The following MELK variants were observed in gnomAD, a reference collection of about 807,000 sequenced individuals.
MELK encodes pEg3 kinase.
Under a neutral mutation model 85.0 loss-of-function variants are expected in MELK, and 81 were observed. The ratio of observed to expected loss-of-function variants is 0.95; its 90% CI spans 0.80 to 1.15. The LOEUF is 1.15. MELK is among the 50% of genes most tolerant of loss of function. The probability of loss-of-function intolerance (pLI) is 0.00; values close to 1 mark genes in which losing one functional copy is unlikely to be tolerated. For missense variants in MELK, 754 were observed against 777.5 expected (o/e 0.97, Z 0.36); for synonymous variants, 252 against 265.0 (o/e 0.95, Z 0.48).
intron 7 of MELK, among the ~76,000 whole-genome samples, chr9:36,605,063 T>A (rs1340656954): frequency 6.6e-6 from 1 of 151,960 alleles, no homozygotes; most frequent in Non-Finnish European, 1.5e-5. Context: ...CTAATTTTTT[T>A]ATCTTTTTAG....
intron 13 of MELK, among the ~76,000 whole-genome samples, chr9:36,659,758 C>T (rs756565372): frequency 2.0e-5 from 3 of 152,172 alleles, no homozygotes; most frequent in Non-Finnish European, 4.4e-5. Flanking sequence ...TCAAGGTCAG[C>T]TTGAGGTGAG....
At chr9:36,660,026 T>C (rs1314729666) in intron 13 of MELK, among the ~76,000 whole-genome samples, 2 of 152,214 alleles carry the variant, frequency 1.3e-5, no homozygotes, top group Non-Finnish European at 2.9e-5. Context: ...CTCGAACTGC[T>C]GACCTCAAGT....
chr9:36,610,072 A>G (rs1659183368), intron 8 of MELK, among the ~76,000 whole-genome samples: 1 of 152,160 alleles, frequency 6.6e-6, no homozygotes, highest in Admixed American at 6.5e-5. Flanking sequence ...AGCATTCCTG[A>G]TAGTACAGGT....
At chr9:36,673,282 A>G (rs1199889435) in intron 16 of MELK, among the ~76,000 whole-genome samples, 2 of 152,124 alleles carry the variant, frequency 1.3e-5, no homozygotes, top group African/African-American at 2.4e-5. Context: ...CTTCGTTAAC[A>G]CTCAGTTTCA....
chr9:36,579,770 G>A (rs55685930), intron 1 of MELK, among the ~76,000 whole-genome samples: 2,674 of 152,236 alleles, frequency 0.018, 71 homozygotes, highest in African/African-American at 0.058. Flanking sequence ...ATATTAATGT[G>A]CATAACAGGG....
chr9:36,627,226 G>A (rs974206583), intron 8 of MELK, among the ~76,000 whole-genome samples: 2 of 152,198 alleles, frequency 1.3e-5, no homozygotes, highest in East Asian at 3.9e-4. Flanking sequence ...CACCTTAAAG[G>A]TGAAGTGGAA....
At chr9:36,673,560 C>G (rs953950450) in intron 16 of MELK, among the ~76,000 whole-genome samples, 1 of 152,144 alleles carries the variant, frequency 6.6e-6, no homozygotes, top group Non-Finnish European at 1.5e-5. Context: ...TCCTGAGTAG[C>G]TGGGATGCGT....
At chr9:36,635,351 C>T (rs1829029997) in intron 10 of MELK, among the ~76,000 whole-genome samples, 1 of 151,994 alleles carries the variant, frequency 6.6e-6, no homozygotes, top group African/African-American at 2.4e-5. Context: ...ACAACCTCCG[C>T]CTCCCAGTTT....
At chr9:36,635,922 G>A (rs1421773779) in intron 10 of MELK, among the ~76,000 whole-genome samples, 12 of 150,492 alleles carry the variant, frequency 8.0e-5, no homozygotes, top group Admixed American at 7.3e-4. Flanking sequence ...TCAGACTCCC[G>A]AGTAGCTGGG....
At chr9:36,577,164 CAG>C (rs1821742087) in intron 1 of MELK, among the ~76,000 whole-genome samples, 1 of 152,058 alleles carries the variant, frequency 6.6e-6, no homozygotes, top group Non-Finnish European at 1.5e-5. Flanking sequence ...GGGTGAAGAA[CAG>C]AGAATTTGAA....
chr9:36,616,028 G>T (rs1464115672), intron 8 of MELK, among the ~76,000 whole-genome samples: 1 of 152,108 alleles, frequency 6.6e-6, no homozygotes, highest in Non-Finnish European at 1.5e-5. Flanking sequence ...CTCGGGCCCC[G>T]CGGGGCCCGT....
At chr9:36,615,446 A>C (rs1353957943) in intron 8 of MELK, among the ~76,000 whole-genome samples, 5 of 93,886 alleles carry the variant, frequency 5.3e-5, no homozygotes, top group Non-Finnish European at 1.1e-4. Context: ...CGGGGGGCTG[A>C]CCCCCCCACC....
intron 9 of MELK, among the ~76,000 whole-genome samples, chr9:36,632,422 T>C (rs1398567146): frequency 5.3e-5 from 8 of 152,216 alleles, no homozygotes; most frequent in Admixed American, 5.2e-4. Flanking sequence ...TTTGAAAATA[T>C]GAGTATCTTC....
At chr9:36,642,814 C>A (rs1227450917) in intron 10 of MELK, among the ~76,000 whole-genome samples, 183 bp from the exon 11 acceptor site, 1 of 152,092 alleles carries the variant, frequency 6.6e-6, no homozygotes, top group African/African-American at 2.4e-5. Context: ...GAAATGCTTG[C>A]TGGAATATGC....
chr9:36,630,532 A>G (rs1270539779), intron 9 of MELK, among the ~76,000 whole-genome samples, 165 bp downstream of exon 9: 1 of 151,882 alleles, frequency 6.6e-6, no homozygotes, highest in Non-Finnish European at 1.5e-5. Context: ...TTGTAAACCT[A>G]GTTTATTTTA....
At chr9:36,676,489 G>T (rs1185190987) in intron 17 of MELK, among the ~76,000 whole-genome samples, 1 of 152,140 alleles carries the variant, frequency 6.6e-6, no homozygotes. Flanking sequence ...TGTGTTTCAG[G>T]CTTCATTTTG....
intron 7 of MELK, among the ~76,000 whole-genome samples, chr9:36,599,998 G>A (rs968837426): frequency 4.6e-5 from 7 of 152,132 alleles, no homozygotes; most frequent in African/African-American, 1.4e-4. Context: ...TGATGTGAGT[G>A]TCATAAGATT....
chr9:36,587,596 T>A (rs9775644), intron 3 of MELK, among the ~76,000 whole-genome samples: 5,200 of 150,844 alleles, frequency 0.034, 294 homozygotes, highest in African/African-American at 0.12. Flanking sequence ...ATTACAGGCA[T>A]GAGCCACTGT....
intron 4 of MELK, among the ~76,000 whole-genome samples, chr9:36,593,394 G>A (rs1823841894): frequency 6.6e-6 from 1 of 152,036 alleles, no homozygotes; most frequent in Non-Finnish European, 1.5e-5. Context: ...TTATACAGGA[G>A]GCTTTAGGGA....
Sources: allele counts gnomAD v4.1 joint callset (sites outside exome capture counted in the v4.1 genomes callset), GRCh38; gene constraint gnomAD v4.1.1; transcripts MANE v1.5; gene names NCBI Gene and HGNC (gene_info 2026-07-23, HGNC 2026-07-21).